KCNRG: variants seen among roughly 807,000 people sequenced by gnomAD.
KCNRG encodes potassium channel regulator.
KCNRG carries 17 observed loss-of-function variants against 17.7 expected under a neutral mutation model. The observed-to-expected ratio is 0.96, with a 90% CI of 0.66 to 1.44. The LOEUF is 1.44. Ranked by LOEUF, KCNRG falls within the 40% of genes most tolerant of loss-of-function variation. The probability of loss-of-function intolerance (pLI) is 0.00; values close to 1 mark genes in which losing one functional copy is unlikely to be tolerated. For synonymous variants in KCNRG, 97 were observed against 116.5 expected, an observed-to-expected ratio of 0.83 and a Z score of 1.08; for missense variants, 311 against 321.1, an observed-to-expected ratio of 0.97 and a Z score of 0.24.
chr13:50,016,000 A>G lies in KCNRG; in HGVS notation c.507A>G (p.Gln169=). Reference sequence around the variant, plus strand: ...TGACCTTACTTCCACTGCCTCCACAAAGACCTTCTTACCATGACCTGGTTT... The same window carrying G: ...TGACCTTACTTCCACTGCCTCCACAGAGACCTTCTTACCATGACCTGGTTT... ...PQMTLLPLPP[Q]RPSYHDLVFQ... is the part of the protein sequence containing the mutation. The change falls in exon 1 of 2, where the codon CAA becomes CAG. Residue 169 remains glutamine (Q), a synonymous_variant. Transcript: ENST00000312942. The G allele has an allele frequency of 6.2e-7, 1 of 1,614,082 alleles. No individual in the cohort carries two copies.
At chr13:50,020,079 T>A (rs1594601684) in intron 1 of KCNRG, 135 bp from the exon 2 acceptor site, 1 of 745,930 alleles carries the variant, frequency 1.3e-6, no homozygotes. Flanking sequence ...ATTTGTAAAG[T>A]AAATGAAATT....
intron 1 of KCNRG, chr13:50,017,816 A>G (rs772413525): frequency 1.2e-5 from 2 of 167,016 alleles, no homozygotes; most frequent in Non-Finnish European, 2.9e-5. Flanking sequence ...GTCTGAATCT[A>G]TCTGTCTATT....
At position 50,020,459 on chromosome 13, in the gene KCNRG, G is replaced by A. The variant is rs201792287; in HGVS notation, c.*5G>A. The A allele has an allele frequency of 2.1e-4, 336 of 1,610,674 alleles. 3 individuals are homozygous for A. In the South Asian group the frequency reaches 3.5e-3, roughly 17 times the overall value. On this transcript the variant is annotated 3_prime_UTR_variant, in exon 2 of 2. Transcript: ENST00000312942. ...CAATCTCAGATAAAGAAATGAAGTT[G>A]TCTATCCTCTTTTAAAGAGAAATTG...
rs553834497 is a variant in KCNRG, at chr13:50,016,111, T to G, written c.578+40T>G. On this transcript the variant is annotated intron_variant, in intron 1 of 1. Transcript: ENST00000312942. ...GCAGTATTTCTCTTGTATACCAGTT[T>G]GTGATGTTTTCTCTAAAAACTTGAA... 5.5e-6 allele frequency: 8 copies of G among 1,441,912 alleles called. No individual in the cohort carries two copies. The African/African-American group carries it at 9.9e-5, about 18-fold the overall frequency. 89.3% of individuals were successfully genotyped at this position (1,441,912 alleles called of 1,614,324 possible). A position where few individuals can be genotyped will look rare whatever the true frequency, so the allele number is the denominator to read the frequency against.
chr13:50,020,577 CT>C lies in KCNRG; in HGVS notation c.*124del. On this transcript the variant is annotated 3_prime_UTR_variant, in exon 2 of 2. Transcript: ENST00000312942. ...TTGGCTTCATCTGCTGCCATGCCGT[CT>C]CTGGGCAACCAGGCCCCAACTGTGC... 3.0e-6 allele frequency: 3 copies of C among 1,011,420 alleles called. No individual in the cohort carries two copies. The Admixed American group carries it at 7.4e-5, about 25-fold the overall frequency. The allele number at this position is 1,011,420 out of a possible 1,614,324, so 62.7% of individuals were successfully genotyped here.
intron 1 of KCNRG, chr13:50,018,147 C>G (rs1432398041): frequency 6.0e-6 from 1 of 167,020 alleles, no homozygotes; most frequent in African/African-American, 2.4e-5. Context: ...TAAGTTTAAA[C>G]TTTATATTTC....
Position 50,015,504 on chromosome 13 carries a change from A to G in KCNRG, c.11A>G (p.Gln4Arg). The G allele has an allele frequency of 6.2e-7, 1 of 1,611,268 alleles. No homozygotes were observed. Among genetic ancestry groups the G allele is most frequent in the Non-Finnish European group, 8.5e-7 (1 of 1,178,238 alleles). The change falls in exon 1 of 2, where the codon CAG becomes CGG. Residue 4 changes from glutamine to arginine, a missense_variant. By Grantham distance (43) the Gln-to-Arg change is conservative. Coordinates refer to ENST00000312942, the MANE Select transcript of KCNRG (RefSeq NM_173605.2). The stretch of plus-strand genomic sequence containing the variant: ...TGAAGTGAGGGAAGAATGAGTAGTC[A>G]GGAACTGGTCACTTTGAATGTGGGA... MSSQELVTLNVGGK... is the reference protein window; with the variant it reads MSSRELVTLNVGGK...
At chr13:50,019,985 C>T (rs951473896) in intron 1 of KCNRG, among the ~76,000 whole-genome samples, 2 of 151,102 alleles carry the variant, frequency 1.3e-5, no homozygotes, top group Admixed American at 1.3e-4. Flanking sequence ...TTGCTGAGAG[C>T]CAAGATCACA....
Sources: gnomAD v4.1 joint callset for allele counts (sites outside exome capture counted in the v4.1 genomes callset) on GRCh38, gnomAD v4.1.1 for gene constraint, MANE v1.5 for transcripts, NCBI Gene and HGNC (gene_info 2026-07-23, HGNC 2026-07-21) for gene names.